The following SORCS2 variants were observed in gnomAD, a reference collection of about 807,000 sequenced individuals.
SORCS2 encodes the protein VPS10 domain-containing receptor SorCS2.
In SORCS2, 100 loss-of-function variants were observed where a neutral mutation model predicts 141.6. The ratio of observed to expected loss-of-function variants is 0.71; its 90% CI spans 0.60 to 0.83. The LOEUF is 0.83. Ranked by LOEUF, SORCS2 falls within the 40% of genes least tolerant of loss-of-function variation. The pLI is 0.00. For synonymous variants in SORCS2, 789 were observed against 676.9 expected (o/e 1.17, Z -2.57); for missense variants, 1,646 against 1,560.2 (o/e 1.05, Z -0.93).
At chr4:7,290,907 G>A (rs182857803) in intron 1 of SORCS2, among the ~76,000 whole-genome samples, 1 of 152,202 alleles carries the variant, frequency 6.6e-6, no homozygotes, top group African/African-American at 2.4e-5. Flanking sequence ...TGGCTGGCTG[G>A]CTGGGGAAGC....
chr4:7,259,417 G>T (rs1449393095), intron 1 of SORCS2, among the ~76,000 whole-genome samples: 1 of 152,210 alleles, frequency 6.6e-6, no homozygotes, highest in Non-Finnish European at 1.5e-5. Context: ...CACAGGGGTT[G>T]TACTCTGTAC....
intron 3 of SORCS2, among the ~76,000 whole-genome samples, chr4:7,622,000 A>G (rs1470761573): frequency 6.6e-6 from 1 of 152,128 alleles, no homozygotes; most frequent in African/African-American, 2.4e-5. Flanking sequence ...ATCAGGACTG[A>G]TATCCGGGTG....
At chr4:7,307,117 G>T (rs1225085950) in intron 1 of SORCS2, among the ~76,000 whole-genome samples, 1 of 152,162 alleles carries the variant, frequency 6.6e-6, no homozygotes, top group Non-Finnish European at 1.5e-5. Context: ...TTCTGTGCCT[G>T]GATTAGAAGC....
At chr4:7,291,606 G>A (rs920908971) in intron 1 of SORCS2, among the ~76,000 whole-genome samples, 2 of 152,160 alleles carry the variant, frequency 1.3e-5, no homozygotes. Flanking sequence ...GTCAGTGCTC[G>A]GTCAACTGCA....
intron 20 of SORCS2, among the ~76,000 whole-genome samples, chr4:7,725,706 C>T (rs145023479): frequency 0.013 from 1,965 of 152,308 alleles, 20 homozygotes; most frequent in Middle Eastern, 0.027. Context: ...TGGGTTGTAC[C>T]CTGTCTGCAG....
At position 7,729,912 on chromosome 4, in the gene SORCS2, C is replaced by T. The variant is rs563649899; in HGVS notation, c.3108+200C>T. 7.2e-5 allele frequency among the ~76,000 whole-genome samples: 11 copies of T among 152,254 alleles called. No individual in the cohort carries two copies. The South Asian group carries it at 1.9e-3, about 26-fold the overall frequency. ...AGTCACACAGCCTCTAAGGTCACTG[C>T]GGCAGAGGTAGTCGGGGGGAGGGCA... On this transcript the variant is annotated intron_variant, in intron 23 of 26. Coordinates refer to ENST00000507866, the MANE Select transcript of SORCS2 (RefSeq NM_020777.3).
intron 3 of SORCS2, among the ~76,000 whole-genome samples, chr4:7,534,918 G>A (rs930155896): frequency 1.3e-5 from 2 of 152,332 alleles, no homozygotes; most frequent in South Asian, 4.1e-4. Context: ...TTGAGGAGGG[G>A]CTGCAGGGGT....
At chr4:7,222,557 G>T (rs918070285) in intron 1 of SORCS2, among the ~76,000 whole-genome samples, 1 of 152,202 alleles carries the variant, frequency 6.6e-6, no homozygotes. Flanking sequence ...GGTGTGTGCG[G>T]GGGTCTGTGA....
chr4:7,701,110 C>T (rs895900488), intron 12 of SORCS2, among the ~76,000 whole-genome samples: 1 of 152,142 alleles, frequency 6.6e-6, no homozygotes, highest in Non-Finnish European at 1.5e-5. Flanking sequence ...TCCTTCTTGG[C>T]CCTGGTGGCA....
chr4:7,362,469 A>T, intron 1 of SORCS2, among the ~76,000 whole-genome samples: 1 of 152,170 alleles, frequency 6.6e-6, no homozygotes. Flanking sequence ...TTCAAGACGA[A>T]TCCATTGCTA....
chr4:7,337,136 G>A (rs539950478), intron 1 of SORCS2, among the ~76,000 whole-genome samples: 11 of 152,330 alleles, frequency 7.2e-5, no homozygotes, highest in African/African-American at 2.4e-4. Flanking sequence ...GAGGGCAGAT[G>A]TTTAGTCTAG....
intron 1 of SORCS2, among the ~76,000 whole-genome samples, chr4:7,378,938 C>A (rs1240973493): frequency 6.6e-6 from 1 of 152,122 alleles, no homozygotes; most frequent in Non-Finnish European, 1.5e-5. Flanking sequence ...TTTAATTGAC[C>A]CTGGCTGAGT....
intron 1 of SORCS2, among the ~76,000 whole-genome samples, chr4:7,370,365 C>T (rs750350163): frequency 2.0e-5 from 3 of 152,090 alleles, no homozygotes; most frequent in East Asian, 1.9e-4. Context: ...CTGCTCTGAG[C>T]GTGCGGCTCG....
At chr4:7,615,492 CA>C in intron 3 of SORCS2, among the ~76,000 whole-genome samples, 1 of 152,328 alleles carries the variant, frequency 6.6e-6, no homozygotes, top group South Asian at 2.1e-4. Context: ...AGGAGAGCAG[CA>C]GCACTGTTGC....
intron 1 of SORCS2, among the ~76,000 whole-genome samples, chr4:7,367,848 C>T (rs796636844): frequency 3.9e-5 from 6 of 152,316 alleles, no homozygotes; most frequent in African/African-American, 1.4e-4. Context: ...GGCAGAGGCC[C>T]AAAATCTGAC....
At chr4:7,363,196 CCGT>C (rs1260062832) in intron 1 of SORCS2, among the ~76,000 whole-genome samples, 1 of 147,012 alleles carries the variant, frequency 6.8e-6, no homozygotes, top group Non-Finnish European at 1.5e-5. Flanking sequence ...ACCACCTTCA[CCGT>C]CACCACCACC....
chr4:7,300,045 C>T (rs1390294019), intron 1 of SORCS2, among the ~76,000 whole-genome samples: 1 of 152,176 alleles, frequency 6.6e-6, no homozygotes, highest in Admixed American at 6.5e-5. Flanking sequence ...AAACTAAAGC[C>T]TGGCAGAATC....
intron 3 of SORCS2, among the ~76,000 whole-genome samples, chr4:7,615,507 C>G (rs1718700034): frequency 6.6e-6 from 1 of 152,322 alleles, no homozygotes; most frequent in Non-Finnish European, 1.5e-5. Flanking sequence ...CTGTTGCACC[C>G]TGGGGTGATC....
chr4:7,625,605 G>C (rs75162584), intron 3 of SORCS2, among the ~76,000 whole-genome samples: 2,713 of 151,832 alleles, frequency 0.018, 74 homozygotes, highest in African/African-American at 0.061. Context: ...GATGGTTACA[G>C]CAGGTGGGTA....
Sources: allele counts gnomAD v4.1 joint callset (sites outside exome capture counted in the v4.1 genomes callset), GRCh38; gene constraint gnomAD v4.1.1; transcripts MANE v1.5; gene names NCBI Gene and HGNC (gene_info 2026-07-23, HGNC 2026-07-21).